The following UNC13C variants were observed in gnomAD, a reference collection of about 807,000 sequenced individuals.
UNC13C encodes the protein unc-13 homolog C, also known as protein unc-13 homolog C.
A neutral mutation model predicts 245.4 loss-of-function variants in UNC13C; 174 were observed. The observed-to-expected ratio is 0.71, with a 90% confidence interval of 0.63 to 0.80. The LOEUF (loss-of-function observed/expected upper bound fraction) is 0.80. Ranked by LOEUF, UNC13C falls within the 30% of genes least tolerant of loss-of-function variation. The pLI, the probability that UNC13C is intolerant of heterozygous loss-of-function variation, is 0.00. For synonymous variants in UNC13C, 992 were observed against 895.1 expected, an observed-to-expected ratio of 1.11 and a Z score of -1.93; for missense variants, 2,829 against 2,602.9, an observed-to-expected ratio of 1.09 and a Z score of -1.89.
intron 10 of UNC13C, among the ~76,000 whole-genome samples, chr15:54,293,562 A>AT (rs772099292): frequency 2.0e-5 from 3 of 152,014 alleles, no homozygotes; most frequent in Non-Finnish European, 4.4e-5. Flanking sequence ...AAGCATGGAT[A>AT]TTTTTATCAA....
At chr15:54,203,926 GTA>G (rs2034624009) in intron 4 of UNC13C, among the ~76,000 whole-genome samples, 1 of 130,966 alleles carries the variant, frequency 7.6e-6, no homozygotes, top group Non-Finnish European at 1.7e-5. Context: ...ATGTATATGT[GTA>G]TATATACACA....
chr15:53,867,759 T>C, the UNC13C span, among the ~76,000 whole-genome samples: 1 of 152,210 alleles, frequency 6.6e-6, no homozygotes, highest in Non-Finnish European at 1.5e-5. Context: ...TCCTGTAAAA[T>C]AATAACTTTT....
intron 10 of UNC13C, among the ~76,000 whole-genome samples, chr15:54,276,063 A>G: frequency 6.6e-6 from 1 of 152,076 alleles, no homozygotes; most frequent in Non-Finnish European, 1.5e-5. Flanking sequence ...AAAATTATAG[A>G]AAATGCAAAA....
At chr15:54,568,311 T>A (rs1272256856) in intron 30 of UNC13C, among the ~76,000 whole-genome samples, 1 of 152,088 alleles carries the variant, frequency 6.6e-6, no homozygotes, top group Non-Finnish European at 1.5e-5. Flanking sequence ...CTTGGTATCT[T>A]CCAAAAAATG....
At chr15:54,060,154 A>G (rs938988747) in intron 2 of UNC13C, among the ~76,000 whole-genome samples, 22 of 152,160 alleles carry the variant, frequency 1.4e-4, no homozygotes, top group African/African-American at 5.3e-4. Flanking sequence ...GCACAGCAAA[A>G]GAAACCACCA....
chr15:54,624,132 A>G (rs1900987575), intron 32 of UNC13C, among the ~76,000 whole-genome samples, 178 bp downstream of exon 32: 4 of 151,860 alleles, frequency 2.6e-5, no homozygotes, highest in East Asian at 1.9e-4. Context: ...TGTTATAGTC[A>G]TTAGGTGTAT....
At chr15:54,071,942 C>T (rs1898349626) in intron 2 of UNC13C, among the ~76,000 whole-genome samples, 1 of 152,152 alleles carries the variant, frequency 6.6e-6, no homozygotes, top group African/African-American at 2.4e-5. Flanking sequence ...ACTTGGTTGC[C>T]CTTCTGCTTC....
At chr15:54,192,571 C>T (rs1369320711) in intron 4 of UNC13C, among the ~76,000 whole-genome samples, 3 of 152,148 alleles carry the variant, frequency 2.0e-5, no homozygotes, top group Non-Finnish European at 4.4e-5. Context: ...ATTACTGTAT[C>T]TGGATAGTTC....
chr15:54,305,162 G>T (rs2037693557), intron 13 of UNC13C, among the ~76,000 whole-genome samples: 1 of 152,178 alleles, frequency 6.6e-6, no homozygotes, highest in Middle Eastern at 3.4e-3. Context: ...GGGAATCAGA[G>T]GCAGAAGCTG....
At chr15:54,224,019 A>G (rs775483049) in intron 4 of UNC13C, among the ~76,000 whole-genome samples, 27 of 152,136 alleles carry the variant, frequency 1.8e-4, no homozygotes, top group Admixed American at 1.2e-3. Flanking sequence ...TTGTTGATCA[A>G]TTCTAACAGT....
chr15:54,182,244 G>C (rs1376902890), intron 4 of UNC13C, among the ~76,000 whole-genome samples: 2 of 151,872 alleles, frequency 1.3e-5, no homozygotes, highest in African/African-American at 4.8e-5. Context: ...TATACTGAAG[G>C]GATGTTGGAT....
intron 2 of UNC13C, among the ~76,000 whole-genome samples, chr15:54,033,169 G>A (rs888584882): frequency 1.8e-4 from 28 of 151,836 alleles, no homozygotes; most frequent in Non-Finnish European, 8.8e-5. Context: ...TTTAATAATG[G>A]CATAGATGTA....
chr15:54,270,813 T>C (rs1006230954), intron 10 of UNC13C, among the ~76,000 whole-genome samples: 1 of 152,100 alleles, frequency 6.6e-6, no homozygotes, highest in African/African-American at 2.4e-5. Context: ...CACTACAAAG[T>C]AGTGCCCTGT....
intron 19 of UNC13C, among the ~76,000 whole-genome samples, chr15:54,479,082 G>T (rs1232297067): frequency 2.0e-5 from 3 of 152,002 alleles, no homozygotes; most frequent in African/African-American, 7.2e-5. Flanking sequence ...TGTTCGTGGT[G>T]CCTTTGTAAA....
intron 17 of UNC13C, among the ~76,000 whole-genome samples, chr15:54,343,942 G>A (rs1052236954): frequency 5.3e-5 from 8 of 152,182 alleles, no homozygotes; most frequent in Non-Finnish European, 1.0e-4. Context: ...GCTGAAGGCA[G>A]ACCAGGGTGA....
chr15:54,578,713 G>A (rs1898068089), intron 30 of UNC13C, among the ~76,000 whole-genome samples: 1 of 152,216 alleles, frequency 6.6e-6, no homozygotes, highest in Non-Finnish European at 1.5e-5. Flanking sequence ...CAGAGGGCCA[G>A]CACCATGGCT....
At chr15:53,894,577 A>G in the UNC13C span, among the ~76,000 whole-genome samples, 57 of 152,300 alleles carry the variant, frequency 3.7e-4, no homozygotes, top group African/African-American at 1.3e-3. Context: ...GAATGGAGGC[A>G]TGATGGTTGA....
At chr15:53,988,407 C>G (rs544426555) in intron 1 of UNC13C, among the ~76,000 whole-genome samples, 1 of 151,758 alleles carries the variant, frequency 6.6e-6, no homozygotes, top group Non-Finnish European at 1.5e-5. Context: ...AAAAAAATAA[C>G]AAAATTGTTG....
chr15:54,407,281 G>T (rs1293605709), intron 18 of UNC13C, among the ~76,000 whole-genome samples: 2 of 152,098 alleles, frequency 1.3e-5, no homozygotes, highest in African/African-American at 4.8e-5. Flanking sequence ...CTTGAATTAG[G>T]AACAGGGAAG....
Sources: allele counts gnomAD v4.1 joint callset (sites outside exome capture counted in the v4.1 genomes callset), GRCh38; gene constraint gnomAD v4.1.1; transcripts MANE v1.5; gene names NCBI Gene and HGNC (gene_info 2026-07-23, HGNC 2026-07-21).